EXOC6B: variants seen among roughly 807,000 people sequenced by gnomAD.
The protein encoded by EXOC6B is exocyst complex component 6B.
A neutral mutation model predicts 113.5 loss-of-function variants in EXOC6B; 54 were observed. The observed-to-expected ratio is 0.48, with a 90% CI of 0.38 to 0.60. The LOEUF is 0.60. EXOC6B is among the 20% of genes least tolerant of loss of function. The pLI is 0.00. For missense variants in EXOC6B, 797 were observed against 977.5 expected (o/e 0.82, Z 2.46); for synonymous variants, 357 against 339.0 (o/e 1.05, Z -0.58).
At chr2:72,709,228 T>A (rs187186779) in intron 6 of EXOC6B, among the ~76,000 whole-genome samples, 1 of 152,216 alleles carries the variant, frequency 6.6e-6, no homozygotes, top group East Asian at 1.9e-4. Flanking sequence ...TATTTGTATT[T>A]CTCTATATTT....
At chr2:72,258,020 C>T (rs1683458348) in intron 20 of EXOC6B, among the ~76,000 whole-genome samples, 1 of 152,192 alleles carries the variant, frequency 6.6e-6, no homozygotes, top group African/African-American at 2.4e-5. Context: ...AGGAAATTGG[C>T]TTACTCACTA....
At chr2:72,500,056 CT>C in intron 11 of EXOC6B, 84 bp from the exon 12 acceptor site, 1 of 886,396 alleles carries the variant, frequency 1.1e-6, no homozygotes, top group East Asian at 2.7e-5. Flanking sequence ...TTGTTTAGCG[CT>C]TTATCTGGCA....
chr2:72,794,516 G>A (rs1390501776), intron 1 of EXOC6B, among the ~76,000 whole-genome samples: 2 of 152,034 alleles, frequency 1.3e-5, no homozygotes, highest in Non-Finnish European at 2.9e-5. Flanking sequence ...CACTTTAATC[G>A]GTTCCTACCA....
intron 11 of EXOC6B, among the ~76,000 whole-genome samples, chr2:72,502,282 T>C (rs545210900): frequency 2.6e-5 from 4 of 152,306 alleles, no homozygotes; most frequent in Admixed American, 2.6e-4. Flanking sequence ...GCGTGGTGGC[T>C]CACGCCTGTA....
intron 18 of EXOC6B, among the ~76,000 whole-genome samples, chr2:72,380,628 C>T (rs139371400): frequency 2.6e-5 from 4 of 151,200 alleles, no homozygotes; most frequent in East Asian, 2.0e-4. Context: ...AGAGAGACTC[C>T]GCCTCAAAAA....
chr2:72,413,629 G>C (rs1694328807), intron 18 of EXOC6B, among the ~76,000 whole-genome samples: 1 of 151,078 alleles, frequency 6.6e-6, no homozygotes, highest in Admixed American at 6.6e-5. Context: ...ATTGCAGTGA[G>C]CTGAGATCAC....
At chr2:72,812,278 T>C (rs1334952305) in intron 1 of EXOC6B, among the ~76,000 whole-genome samples, 2 of 152,156 alleles carry the variant, frequency 1.3e-5, no homozygotes, top group East Asian at 3.8e-4. Flanking sequence ...CAATAACATT[T>C]AAAATCACTT....
chr2:72,176,110 A>C lies in EXOC6B; in HGVS notation c.*3225T>G, dbSNP rs892453576. On this transcript the variant is annotated 3_prime_UTR_variant, in exon 22 of 22. Coordinates refer to ENST00000272427, the MANE Select transcript of EXOC6B (RefSeq NM_015189.3). ...CCTAACCATGCGGCCCATCTGTATCAGTAGCTTTACAAGTAAGTTTTAGAG... is the reference window on the plus strand; with the variant it reads ...CCTAACCATGCGGCCCATCTGTATCCGTAGCTTTACAAGTAAGTTTTAGAG... 1 of 152,238 alleles carries C rather than the reference A, an allele frequency of 6.6e-6. No homozygotes were observed. The highest frequency in any genetic ancestry group is 2.4e-5 in the African/African-American group (1 of 41,464). The allele number at this position is 152,238 out of a possible 1,614,324, so 9.4% of individuals were successfully genotyped here.
chr2:72,302,722 T>C (rs1686605287), intron 20 of EXOC6B, among the ~76,000 whole-genome samples: 1 of 152,198 alleles, frequency 6.6e-6, no homozygotes, highest in African/African-American at 2.4e-5. Context: ...TGGGTGTCAC[T>C]GTGTGTGAGA....
intron 6 of EXOC6B, among the ~76,000 whole-genome samples, chr2:72,641,130 G>A (rs575293178): frequency 3.3e-5 from 5 of 152,370 alleles, no homozygotes; most frequent in South Asian, 2.1e-4. Flanking sequence ...GCTCCAGTCT[G>A]CAGCTCCGAG....
chr2:72,473,246 C>G (rs1226909941), intron 17 of EXOC6B, among the ~76,000 whole-genome samples: 3 of 152,022 alleles, frequency 2.0e-5, no homozygotes, highest in Non-Finnish European at 2.9e-5. Context: ...TTATCTGTCT[C>G]AATGACCTGT....
intron 18 of EXOC6B, among the ~76,000 whole-genome samples, chr2:72,432,203 A>AT (rs550080683): frequency 3.3e-5 from 5 of 151,824 alleles, no homozygotes; most frequent in Non-Finnish European, 5.9e-5. Context: ...TATCTGGCTA[A>AT]TTTTTTGTAT....
chr2:72,563,839 T>G (rs1214013769), intron 7 of EXOC6B, among the ~76,000 whole-genome samples: 1 of 152,102 alleles, frequency 6.6e-6, no homozygotes, highest in Non-Finnish European at 1.5e-5. Flanking sequence ...TCATGGCACA[T>G]GAGGAAAACG....
chr2:72,671,791 GA>G (rs765610784), intron 6 of EXOC6B, among the ~76,000 whole-genome samples: 4 of 107,204 alleles, frequency 3.7e-5, no homozygotes, highest in African/African-American at 1.7e-4. Flanking sequence ...AAGAAAGAAA[GA>G]AAGAAAGAAA....
chr2:72,688,351 G>C (rs1677235990), intron 6 of EXOC6B, among the ~76,000 whole-genome samples: 1 of 152,178 alleles, frequency 6.6e-6, no homozygotes, highest in Non-Finnish European at 1.5e-5. Context: ...AGGAAAAGAA[G>C]TCAATAAAGG....
At chr2:72,635,976 T>C (rs933804076) in intron 6 of EXOC6B, among the ~76,000 whole-genome samples, 3 of 151,920 alleles carry the variant, frequency 2.0e-5, no homozygotes, top group Non-Finnish European at 4.4e-5. Flanking sequence ...AGAAGAAAAA[T>C]GAGGCCAAGG....
At chr2:72,627,082 T>C (rs1188636813) in intron 6 of EXOC6B, among the ~76,000 whole-genome samples, 2 of 152,088 alleles carry the variant, frequency 1.3e-5, no homozygotes. Flanking sequence ...GTTTTGTAGT[T>C]AGGGAAGGAG....
intron 18 of EXOC6B, among the ~76,000 whole-genome samples, chr2:72,449,510 T>C (rs1366650284): frequency 1.3e-5 from 2 of 151,640 alleles, no homozygotes; most frequent in East Asian, 1.9e-4. Flanking sequence ...ATTGCAGTTA[T>C]GCAATAATAA....
intron 20 of EXOC6B, among the ~76,000 whole-genome samples, chr2:72,282,564 T>C (rs1285136143): frequency 6.6e-6 from 1 of 151,824 alleles, no homozygotes; most frequent in African/African-American, 2.4e-5. Context: ...TATATTTAAA[T>C]CCCAATGTAT....
Sources: gnomAD v4.1 joint callset for allele counts (sites outside exome capture counted in the v4.1 genomes callset) on GRCh38, gnomAD v4.1.1 for gene constraint, MANE v1.5 for transcripts, NCBI Gene and HGNC (gene_info 2026-07-23, HGNC 2026-07-21) for gene names.